SYT1: variants seen among roughly 807,000 people sequenced by gnomAD.
The protein encoded by SYT1 is synaptotagmin-1.
SYT1 carries 8 observed loss-of-function variants against 44.8 expected under a neutral mutation model. The observed-to-expected ratio is 0.18, with a 90% CI of 0.10 to 0.32. SYT1 has a LOEUF of 0.32. Ranked by LOEUF, SYT1 falls within the 10% of genes least tolerant of loss-of-function variation. The pLI is 1.00. For synonymous variants in SYT1, 154 were observed against 188.8 expected (o/e 0.82, Z 1.51); for missense variants, 286 against 509.3 (o/e 0.56, Z 4.22).
chr12:78,870,704 T>C (rs187234661), intron 1 of SYT1, among the ~76,000 whole-genome samples: 4 of 152,146 alleles, frequency 2.6e-5, no homozygotes, highest in East Asian at 3.9e-4. Flanking sequence ...AAAGTTCTCA[T>C]GATGTGGCCT....
chr12:79,104,508 T>C (rs1878608381), intron 3 of SYT1, among the ~76,000 whole-genome samples: 1 of 152,046 alleles, frequency 6.6e-6, no homozygotes, highest in Non-Finnish European at 1.5e-5. Context: ...AGTCCTGATG[T>C]TTCATCAGGA....
chr12:78,904,311 T>C (rs1875833962), intron 1 of SYT1, among the ~76,000 whole-genome samples: 1 of 152,138 alleles, frequency 6.6e-6, no homozygotes, highest in Non-Finnish European at 1.5e-5. Flanking sequence ...GATTTATCCA[T>C]TGGAAAGCTA....
At chr12:79,357,037 C>T (rs1314001990) in intron 9 of SYT1, among the ~76,000 whole-genome samples, 1 of 152,158 alleles carries the variant, frequency 6.6e-6, no homozygotes, top group Non-Finnish European at 1.5e-5. Context: ...TTTGCATAGA[C>T]ACTATAGTGA....
At chr12:79,007,742 A>G (rs554079405) in intron 2 of SYT1, among the ~76,000 whole-genome samples, 1 of 152,286 alleles carries the variant, frequency 6.6e-6, no homozygotes, top group East Asian at 1.9e-4. Flanking sequence ...GCAGAAGGTG[A>G]ATAGTAGATT....
chr12:79,290,786 A>T (rs1879544111), intron 5 of SYT1, among the ~76,000 whole-genome samples: 1 of 152,240 alleles, frequency 6.6e-6, no homozygotes, highest in African/African-American at 2.4e-5. Context: ...CAAAATACAA[A>T]GAGCCTTTGC....
chr12:79,039,460 C>T lies in SYT1; in HGVS notation c.-83-7837C>T, dbSNP rs140580160. On this transcript the variant is annotated intron_variant, in intron 2 of 10. Coordinates refer to ENST00000261205, the MANE Select transcript of SYT1 (RefSeq NM_005639.3). ...AATCCTTTGCTATGTTCACTTTCTCCTCTAAAATAAAGACAAGGCATTTAT... is the reference window on the plus strand; with the variant it reads ...AATCCTTTGCTATGTTCACTTTCTCTTCTAAAATAAAGACAAGGCATTTAT... Among the ~76,000 whole-genome samples, 31 of 151,972 alleles carry T rather than the reference C, an allele frequency of 2.0e-4. No individual in the cohort carries two copies. In the East Asian group the frequency reaches 6.0e-3, roughly 29 times the overall value.
intron 10 of SYT1, among the ~76,000 whole-genome samples, chr12:79,444,811 A>G (rs1870615632): frequency 6.6e-6 from 1 of 152,148 alleles, no homozygotes; most frequent in African/African-American, 2.4e-5. Context: ...CTTGTAGTTA[A>G]TATGTTCATA....
At chr12:79,338,586 CTTT>C (rs562271383) in intron 8 of SYT1, among the ~76,000 whole-genome samples, 1 of 149,122 alleles carries the variant, frequency 6.7e-6, no homozygotes, top group Non-Finnish European at 1.5e-5. Context: ...TAAAATTTCT[CTTT>C]TTTTTTTCTT....
intron 9 of SYT1, among the ~76,000 whole-genome samples, chr12:79,370,102 G>T (rs1402680353): frequency 6.6e-6 from 1 of 152,104 alleles, no homozygotes; most frequent in Non-Finnish European, 1.5e-5. Context: ...TTTCAAAAAT[G>T]AGTCTCCGGC....
chr12:78,975,012 A>T (rs1868715504), intron 1 of SYT1, among the ~76,000 whole-genome samples: 1 of 151,892 alleles, frequency 6.6e-6, no homozygotes, highest in Admixed American at 6.6e-5. Flanking sequence ...GTAACTTTTT[A>T]TTTTTTTAAG....
At chr12:79,257,990 C>T (rs1015476265) in intron 4 of SYT1, among the ~76,000 whole-genome samples, 1 of 151,958 alleles carries the variant, frequency 6.6e-6, no homozygotes, top group South Asian at 2.1e-4. Context: ...TGATGCTTAG[C>T]ATTTTATTTC....
intron 3 of SYT1, among the ~76,000 whole-genome samples, chr12:79,177,135 C>T (rs538530656): frequency 7.1e-4 from 84 of 119,092 alleles, no homozygotes; most frequent in Non-Finnish European, 1.2e-3. Context: ...CATGCTGGTG[C>T]GCTGCACCCA....
chr12:79,182,664 T>A lies in SYT1; in HGVS notation c.-17-34839T>A, dbSNP rs114235101. On this transcript the variant is annotated intron_variant, in intron 3 of 10. Coordinates refer to ENST00000261205, the MANE Select transcript of SYT1 (RefSeq NM_005639.3). ...ATTGCATCAATAGTTTTTAACTGAC[T>A]GAAAGCAGAGATCTGAACTATAATT... 2.3e-3 allele frequency among the ~76,000 whole-genome samples: 350 copies of A among 152,222 alleles called. 1 individual carries two copies. Among genetic ancestry groups the A allele is most frequent in the African/African-American group, 7.9e-3 (328 of 41,574 alleles).
chr12:79,344,353 G>T (rs906060498), intron 8 of SYT1, among the ~76,000 whole-genome samples: 1 of 152,172 alleles, frequency 6.6e-6, no homozygotes, highest in Non-Finnish European at 1.5e-5. Flanking sequence ...CACAGAGGAG[G>T]TACCCAATAA....
At chr12:79,067,133 A>G (rs1389019896) in intron 3 of SYT1, among the ~76,000 whole-genome samples, 1 of 152,182 alleles carries the variant, frequency 6.6e-6, no homozygotes, top group Non-Finnish European at 1.5e-5. Flanking sequence ...CCAGCTTACA[A>G]AATAGACATG....
At position 78,884,202 on chromosome 12, in the gene SYT1, C is replaced by T. The variant is rs111839739; in HGVS notation, c.-217+19093C>T. 6.0e-3 allele frequency among the ~76,000 whole-genome samples: 910 copies of T among 151,600 alleles called. 2 individuals are homozygous for T. The highest frequency in any genetic ancestry group is 0.01 in the Middle Eastern group (3 of 294). Reference sequence around the variant, plus strand: ...AATCAACATTCCATGATATACACAACGGTCTATACATTTTCAGTTAGATTA... The same window carrying T: ...AATCAACATTCCATGATATACACAATGGTCTATACATTTTCAGTTAGATTA... On this transcript the variant is annotated intron_variant, in intron 1 of 10. Transcript: ENST00000261205.
chr12:79,400,433 A>C lies in SYT1; in HGVS notation c.929-43640A>C, dbSNP rs147551693. Among the ~76,000 whole-genome samples, 93 of 152,292 alleles carry C rather than the reference A, an allele frequency of 6.1e-4. 1 individual carries two copies. Among genetic ancestry groups the C allele is most frequent in the African/African-American group, 2.0e-3 (82 of 41,572 alleles). ...TATCTTCCTAGAACTTCTGGCTTCT[A>C]CAGTTATTGATCTCCCTGTCAACTG... On this transcript the variant is annotated intron_variant, in intron 9 of 10. Transcript: ENST00000261205.
At chr12:79,202,782 ACTGAACC>A (rs1873865813) in intron 3 of SYT1, among the ~76,000 whole-genome samples, 1 of 152,168 alleles carries the variant, frequency 6.6e-6, no homozygotes, top group South Asian at 2.1e-4. Flanking sequence ...AATATATAAA[ACTGAACC>A]CTTACCTAAA....
chr12:78,985,031 A>G (rs1022153845), intron 2 of SYT1, among the ~76,000 whole-genome samples: 2 of 152,016 alleles, frequency 1.3e-5, no homozygotes, highest in Admixed American at 1.3e-4. Flanking sequence ...ATACCATTAC[A>G]AGACACATTG....
Sources: allele counts gnomAD v4.1 joint callset (sites outside exome capture counted in the v4.1 genomes callset), GRCh38; gene constraint gnomAD v4.1.1; transcripts MANE v1.5; gene names NCBI Gene and HGNC (gene_info 2026-07-23, HGNC 2026-07-21).